Variants in CNBD1 observed in about 807,000 individuals in gnomAD.
The protein encoded by CNBD1 is cyclic nucleotide binding domain containing 1, also known as cyclic nucleotide-binding domain-containing protein 1.
A neutral mutation model predicts 54.4 loss-of-function variants in CNBD1; 71 were observed. That is an observed-to-expected ratio of 1.30 (90% CI 1.08 to 1.59). The LOEUF (loss-of-function observed/expected upper bound fraction) is 1.59, where lower values mean the gene tolerates loss of function less well. CNBD1 is among the 40% of genes most tolerant of loss of function. The pLI is 0.00. For synonymous variants in CNBD1, 182 were observed against 170.7 expected, an observed-to-expected ratio of 1.07 and a Z score of -0.51; for missense variants, 659 against 518.0, an observed-to-expected ratio of 1.27 and a Z score of -2.64.
intron 6 of CNBD1, among the ~76,000 whole-genome samples, chr8:87,241,361 C>T (rs1176158620): frequency 6.7e-6 from 1 of 149,048 alleles, no homozygotes; most frequent in Admixed American, 6.7e-5. Flanking sequence ...AGCTCTGCCT[C>T]CCGGGTTCAC....
rs866888314 is a variant in CNBD1 at position 87,208,987 on chromosome 8, A to G, written c.577+2849A>G. On this transcript the variant is annotated intron_variant, in intron 5 of 10. Transcript: ENST00000518476. Reference sequence around the variant, plus strand: ...TATATTTTATTTAACAACTAAAAATATGGTAGCTAAATCTCATGAAATATG... The same window carrying G: ...TATATTTTATTTAACAACTAAAAATGTGGTAGCTAAATCTCATGAAATATG... 1.1e-4 allele frequency among the ~76,000 whole-genome samples: 17 copies of G among 152,244 alleles called. No homozygotes were observed. The Middle Eastern group carries it at 0.01, about 91-fold the overall frequency.
At chr8:86,974,178 G>A (rs1179218486) in intron 4 of CNBD1, among the ~76,000 whole-genome samples, 3 of 151,600 alleles carry the variant, frequency 2.0e-5, no homozygotes, top group Admixed American at 2.0e-4. Flanking sequence ...AGTAGTCAAG[G>A]AAATACAAAT....
chr8:87,320,700 T>G (rs1313587878), intron 8 of CNBD1, among the ~76,000 whole-genome samples: 2 of 152,038 alleles, frequency 1.3e-5, no homozygotes, highest in African/African-American at 4.8e-5. Context: ...AAAACCTATG[T>G]GTTTATTTAT....
At chr8:87,394,030 T>C (rs1210850092) in intron 2 of CNBD1, among the ~76,000 whole-genome samples, 1 of 151,840 alleles carries the variant, frequency 6.6e-6, no homozygotes, top group Non-Finnish European at 1.5e-5. Flanking sequence ...ACTTCTAGTT[T>C]AAAAATAAAA....
intron 5 of CNBD1, among the ~76,000 whole-genome samples, chr8:87,232,925 A>G (rs1214779168): frequency 1.3e-5 from 2 of 152,166 alleles, no homozygotes; most frequent in African/African-American, 4.8e-5. Flanking sequence ...GGTTTTTAAC[A>G]TTATTGTTAA....
At chr8:87,103,154 A>G (rs1170458788) in intron 4 of CNBD1, among the ~76,000 whole-genome samples, 1 of 152,220 alleles carries the variant, frequency 6.6e-6, no homozygotes, top group Non-Finnish European at 1.5e-5. Flanking sequence ...TTTGCCAAAT[A>G]TCAGCATACA....
intron 4 of CNBD1, among the ~76,000 whole-genome samples, chr8:87,155,618 C>T (rs1812698227): frequency 6.6e-6 from 1 of 152,128 alleles, no homozygotes; most frequent in Admixed American, 6.5e-5. Flanking sequence ...AGCTGGTTTG[C>T]ATTAATTTTG....
intron 8 of CNBD1, among the ~76,000 whole-genome samples, chr8:87,321,653 TATTG>T (rs1232926369): frequency 2.0e-5 from 3 of 152,152 alleles, no homozygotes; most frequent in Non-Finnish European, 4.4e-5. Context: ...CCTTTTTCTC[TATTG>T]ATTATTTCCT....
chr8:86,993,124 A>C (rs1321897167), intron 4 of CNBD1, among the ~76,000 whole-genome samples: 1 of 151,898 alleles, frequency 6.6e-6, no homozygotes, highest in Non-Finnish European at 1.5e-5. Context: ...TATATAATCC[A>C]ATATTTCTTG....
chr8:87,263,521 G>T (rs1403402361), intron 6 of CNBD1, among the ~76,000 whole-genome samples: 1 of 151,888 alleles, frequency 6.6e-6, no homozygotes, highest in Admixed American at 6.6e-5. Context: ...AAACAAAATT[G>T]TTTTCAGTAA....
At chr8:87,222,020 A>G (rs180881866) in intron 5 of CNBD1, among the ~76,000 whole-genome samples, 1 of 152,230 alleles carries the variant, frequency 6.6e-6, no homozygotes, top group East Asian at 1.9e-4. Flanking sequence ...AAAAGCTATG[A>G]AAAGGCCATT....
chr8:87,099,064 A>AAAC, intron 4 of CNBD1, among the ~76,000 whole-genome samples: 1 of 146,022 alleles, frequency 6.8e-6, no homozygotes, highest in African/African-American at 2.7e-5. Context: ...AAAAAAACAA[A>AAAC]ACTCCAAATT....
chr8:86,911,359 C>T (rs1563819037), intron 3 of CNBD1, among the ~76,000 whole-genome samples: 1 of 152,132 alleles, frequency 6.6e-6, no homozygotes, highest in Non-Finnish European at 1.5e-5. Flanking sequence ...TTTTAGCTCC[C>T]ATATCAAAAG....
intron 4 of CNBD1, among the ~76,000 whole-genome samples, chr8:86,960,200 G>A (rs1807891607): frequency 6.6e-6 from 1 of 152,196 alleles, no homozygotes; most frequent in South Asian, 2.1e-4. Flanking sequence ...CCTCACCCAG[G>A]AAGCACAAGG....
At chr8:86,949,112 T>G (rs547659665) in intron 4 of CNBD1, among the ~76,000 whole-genome samples, 1 of 152,324 alleles carries the variant, frequency 6.6e-6, no homozygotes, top group African/African-American at 2.4e-5. Flanking sequence ...GGTCTGTGTT[T>G]CTGTTTTTAT....
intron 4 of CNBD1, among the ~76,000 whole-genome samples, chr8:86,979,874 A>G (rs1808435147): frequency 6.6e-6 from 1 of 152,204 alleles, no homozygotes; most frequent in South Asian, 2.1e-4. Context: ...GAGCAATATG[A>G]TAACATCGTA....
intron 4 of CNBD1, among the ~76,000 whole-genome samples, chr8:87,165,888 A>T (rs942655437): frequency 6.6e-6 from 1 of 151,932 alleles, no homozygotes; most frequent in African/African-American, 2.4e-5. Flanking sequence ...TTTTTTGTCT[A>T]CATTTTTATG....
At chr8:86,887,704 T>C in intron 2 of CNBD1, 93 bp downstream of exon 2, 1 of 855,368 alleles carries the variant, frequency 1.2e-6, no homozygotes, top group Non-Finnish European at 1.8e-6. Context: ...CATTGCTGGC[T>C]CTCAGAGGTA....
intron 3 of CNBD1, among the ~76,000 whole-genome samples, chr8:86,913,690 G>A (rs765699600): frequency 1.2e-4 from 18 of 152,272 alleles, no homozygotes; most frequent in Admixed American, 2.0e-4. Flanking sequence ...AGGTCAGAGC[G>A]AAACTAGCAT....
Sources: allele counts gnomAD v4.1 joint callset (sites outside exome capture counted in the v4.1 genomes callset), GRCh38; gene constraint gnomAD v4.1.1; transcripts MANE v1.5; gene names NCBI Gene and HGNC (gene_info 2026-07-23, HGNC 2026-07-21).